Variants in ABCC4 observed in about 807,000 individuals in gnomAD.
The protein encoded by ABCC4 is ATP-binding cassette sub-family C member 4.
In ABCC4, 102 loss-of-function variants were observed where a neutral mutation model predicts 168.5. That is an observed-to-expected ratio of 0.61 (90% CI 0.52 to 0.71). The LOEUF is 0.71. Ranked by LOEUF, ABCC4 falls within the 30% of genes least tolerant of loss-of-function variation. The pLI, the probability that ABCC4 is intolerant of heterozygous loss-of-function variation, is 0.00. For synonymous variants in ABCC4, 617 were observed against 590.7 expected, an observed-to-expected ratio of 1.04 and a Z score of -0.65; for missense variants, 1,402 against 1,605.8, an observed-to-expected ratio of 0.87 and a Z score of 2.17.
intron 19 of ABCC4, among the ~76,000 whole-genome samples, chr13:95,120,109 C>T (rs529576986): frequency 6.1e-5 from 6 of 98,848 alleles, no homozygotes; most frequent in African/African-American, 2.7e-4. Context: ...TCATTCCTTC[C>T]TGGTAAGCCC....
intron 26 of ABCC4, 147 bp downstream of exon 26, chr13:95,062,557 T>G: frequency 1.4e-6 from 1 of 703,228 alleles, no homozygotes; most frequent in East Asian, 2.6e-5. Flanking sequence ...AAATACCTGT[T>G]GAAAATATCT....
At chr13:95,223,706 T>G (rs2039371479) in intron 4 of ABCC4, among the ~76,000 whole-genome samples, 1 of 152,190 alleles carries the variant, frequency 6.6e-6, no homozygotes. Context: ...TTCACCATGT[T>G]GGCCAGGCTA....
At chr13:95,285,669 G>T (rs1033653151) in intron 1 of ABCC4, among the ~76,000 whole-genome samples, 1 of 152,170 alleles carries the variant, frequency 6.6e-6, no homozygotes, top group African/African-American at 2.4e-5. Context: ...TCTAGCCAGG[G>T]TATATAACAT....
At chr13:95,060,361 A>G (rs1278777825) in intron 26 of ABCC4, among the ~76,000 whole-genome samples, 3 of 152,258 alleles carry the variant, frequency 2.0e-5, no homozygotes, top group Non-Finnish European at 2.9e-5. Flanking sequence ...CTTCCAAAAC[A>G]TTACTGGCAG....
At chr13:95,270,490 T>C (rs2040820361) in intron 1 of ABCC4, among the ~76,000 whole-genome samples, 1 of 152,202 alleles carries the variant, frequency 6.6e-6, no homozygotes, top group Non-Finnish European at 1.5e-5. Context: ...TCTCCCATCA[T>C]TCCTGGCACA....
intron 30 of ABCC4, among the ~76,000 whole-genome samples, chr13:95,025,096 A>G (rs73555526): frequency 0.061 from 9,313 of 151,760 alleles, 955 homozygotes; most frequent in African/African-American, 0.21. Context: ...CTGACAGAAG[A>G]CAGATTGCAA....
intron 14 of ABCC4, among the ~76,000 whole-genome samples, chr13:95,168,575 T>C (rs2037362533): frequency 6.6e-6 from 1 of 152,204 alleles, no homozygotes. Flanking sequence ...AAAATATAAT[T>C]AACACTCGTT....
intron 19 of ABCC4, among the ~76,000 whole-genome samples, chr13:95,151,490 AAAG>A (rs1321943578): frequency 5.1e-4 from 76 of 148,700 alleles, no homozygotes; most frequent in Non-Finnish European, 9.1e-4. Context: ...AAAAAAAAAA[AAAG>A]AAGAAGAAGA....
At chr13:95,044,605 G>T (rs1001121380) in intron 27 of ABCC4, among the ~76,000 whole-genome samples, 167 bp from the exon 28 acceptor site, 1 of 152,158 alleles carries the variant, frequency 6.6e-6, no homozygotes, top group Non-Finnish European at 1.5e-5. Context: ...GAGAAAGATG[G>T]TAGAGTCAAC....
At chr13:95,208,185 C>T (rs940147913) in intron 6 of ABCC4, among the ~76,000 whole-genome samples, 22 of 152,082 alleles carry the variant, frequency 1.4e-4, no homozygotes, top group Admixed American at 5.2e-4. Context: ...GTCATCTGTC[C>T]CCTCGAGGAG....
At chr13:95,021,704 A>G in intron 30 of ABCC4, 22 bp from the exon 31 acceptor site, 1 of 1,527,190 alleles carries the variant, frequency 6.5e-7, no homozygotes, top group Non-Finnish European at 9.0e-7. Context: ...AAAGGTAAGC[A>G]TAAAAAGAAT....
chr13:95,212,311 G>A (rs1020251837), intron 4 of ABCC4, among the ~76,000 whole-genome samples: 3 of 152,162 alleles, frequency 2.0e-5, no homozygotes, highest in Non-Finnish European at 2.9e-5. Context: ...GAAAGAAACA[G>A]AACGTAATGT....
intron 20 of ABCC4, among the ~76,000 whole-genome samples, chr13:95,093,419 A>G (rs1385194468): frequency 2.0e-5 from 3 of 152,238 alleles, no homozygotes; most frequent in Non-Finnish European, 4.4e-5. Flanking sequence ...TACACCACAT[A>G]AACAAAATTA....
At chr13:95,080,585 T>C (rs1196334226) in intron 21 of ABCC4, among the ~76,000 whole-genome samples, 1 of 152,154 alleles carries the variant, frequency 6.6e-6, no homozygotes, top group Non-Finnish European at 1.5e-5. Context: ...GAGATTCTCA[T>C]GTCTCAGCCT....
intron 11 of ABCC4, among the ~76,000 whole-genome samples, chr13:95,178,829 C>T (rs141942711): frequency 2.7e-4 from 41 of 152,138 alleles, no homozygotes; most frequent in African/African-American, 9.6e-4. Flanking sequence ...TAGCCGGGAC[C>T]GGAGTGGGGA....
chr13:95,216,552 A>T (rs1474446458), intron 4 of ABCC4, among the ~76,000 whole-genome samples: 1 of 151,378 alleles, frequency 6.6e-6, no homozygotes, highest in Non-Finnish European at 1.5e-5. Context: ...GATATGAATT[A>T]TAAATGCCTA....
At chr13:95,068,506 T>A (rs926141722) in intron 25 of ABCC4, among the ~76,000 whole-genome samples, 3 of 145,474 alleles carry the variant, frequency 2.1e-5, no homozygotes, top group African/African-American at 7.3e-5. Context: ...GTGCCTGTAA[T>A]TGCAGCTACT....
At chr13:95,098,133 C>CT (rs886952887) in intron 20 of ABCC4, among the ~76,000 whole-genome samples, 2 of 46,730 alleles carry the variant, frequency 4.3e-5, no homozygotes, top group Non-Finnish European at 7.8e-5. Flanking sequence ...GAGATACTGT[C>CT]TAAAAAAAAA....
intron 30 of ABCC4, among the ~76,000 whole-genome samples, chr13:95,023,880 T>C (rs1320276516): frequency 6.6e-6 from 1 of 152,120 alleles, no homozygotes. Context: ...TCATAGAAGA[T>C]GGAGTATGAA....
Sources: gnomAD v4.1 joint callset for allele counts (sites outside exome capture counted in the v4.1 genomes callset) on GRCh38, gnomAD v4.1.1 for gene constraint, MANE v1.5 for transcripts, NCBI Gene and HGNC (gene_info 2026-07-23, HGNC 2026-07-21) for gene names.